Variants in CNTN4 observed in about 807,000 individuals in gnomAD.
CNTN4 encodes contactin-4.
In CNTN4, 77 loss-of-function variants were observed where a neutral mutation model predicts 122.5. The ratio of observed to expected loss-of-function variants is 0.63; its 90% CI spans 0.52 to 0.76. CNTN4 has a LOEUF of 0.76. Among genes scored for constraint, CNTN4 ranks in the 30% least tolerant of loss-of-function variants. The probability of loss-of-function intolerance (pLI) is 0.00; values close to 1 mark genes in which losing one functional copy is unlikely to be tolerated. For missense variants in CNTN4, 1,256 were observed against 1,259.1 expected (o/e 1.00, Z 0.04); for synonymous variants, 512 against 447.0 (o/e 1.15, Z -1.83).
At chr3:2,810,257 G>A (rs189611677) in intron 6 of CNTN4, among the ~76,000 whole-genome samples, 49 of 152,304 alleles carry the variant, frequency 3.2e-4, no homozygotes, top group African/African-American at 1.2e-3. Context: ...TAAATACATA[G>A]AAATTGAGAA....
intron 13 of CNTN4, among the ~76,000 whole-genome samples, chr3:2,947,913 A>C (rs1427843887): frequency 6.6e-6 from 1 of 152,212 alleles, no homozygotes; most frequent in Non-Finnish European, 1.5e-5. Flanking sequence ...TATTGCTCAT[A>C]TTAAAACCCT....
intron 6 of CNTN4, among the ~76,000 whole-genome samples, chr3:2,796,198 A>T (rs528150777): frequency 2.0e-5 from 3 of 152,198 alleles, no homozygotes; most frequent in Non-Finnish European, 2.9e-5. Context: ...AAGCTACACT[A>T]TAACTTATAC....
intron 3 of CNTN4, among the ~76,000 whole-genome samples, chr3:2,373,901 T>G (rs1477200772): frequency 6.6e-6 from 1 of 152,166 alleles, no homozygotes; most frequent in Non-Finnish European, 1.5e-5. Context: ...GGAATGGCAT[T>G]TCACTTACAG....
intron 13 of CNTN4, among the ~76,000 whole-genome samples, chr3:2,937,899 A>G (rs2094580274): frequency 6.6e-6 from 1 of 152,162 alleles, no homozygotes; most frequent in African/African-American, 2.4e-5. Context: ...GCAGCAAGTC[A>G]TGTACAAGAA....
chr3:2,389,798 G>C (rs2046379247), intron 3 of CNTN4, among the ~76,000 whole-genome samples: 1 of 152,156 alleles, frequency 6.6e-6, no homozygotes, highest in Non-Finnish European at 1.5e-5. Flanking sequence ...TCATTATTAT[G>C]AGCTTGTTGA....
Position 2,768,593 on chromosome 3 carries a change from C to T in CNTN4, c.358+22896C>T, listed in dbSNP as rs111689707. Among the ~76,000 whole-genome samples, 479 of 152,280 alleles carry T rather than the reference C, an allele frequency of 3.1e-3. 5 individuals are homozygous for T. The highest frequency in any genetic ancestry group is 0.011 in the African/African-American group (439 of 41,558). On this transcript the variant is annotated intron_variant, in intron 6 of 24. Coordinates refer to ENST00000418658, the MANE Select transcript of CNTN4 (RefSeq NM_175607.3). ...CAGCAGTCCTGATGACTTCCCCTATCTACTTTATAATGGCACTTAGGCTGA... is the reference window on the plus strand; with the variant it reads ...CAGCAGTCCTGATGACTTCCCCTATTTACTTTATAATGGCACTTAGGCTGA...
chr3:2,683,327 TAC>T (rs10601751), intron 4 of CNTN4, among the ~76,000 whole-genome samples: 12,943 of 148,764 alleles, frequency 0.087, 775 homozygotes, highest in African/African-American at 0.17. Context: ...TGCACACATG[TAC>T]ACACACACAC....
At chr3:2,390,250 G>GTGTGTT (rs2046395942) in intron 3 of CNTN4, among the ~76,000 whole-genome samples, 1 of 150,652 alleles carries the variant, frequency 6.6e-6, no homozygotes, top group Non-Finnish European at 1.5e-5. Flanking sequence ...GTGTGTGTGT[G>GTGTGTT]TACAGAGGGC....
intron 6 of CNTN4, among the ~76,000 whole-genome samples, chr3:2,781,756 G>T (rs1005564834): frequency 1.7e-5 from 2 of 117,868 alleles, no homozygotes; most frequent in Admixed American, 1.0e-4. Context: ...ACGGAGTGTC[G>T]CTCTGTCGCC....
Position 3,043,596 on chromosome 3 carries a change from A to T in CNTN4, c.2703A>T (p.Pro901=). 1 of 1,611,686 alleles carries T rather than the reference A, an allele frequency of 6.2e-7. No homozygotes were observed. The highest frequency in any genetic ancestry group is 8.5e-7 in the Non-Finnish European group (1 of 1,177,740). The part of the protein sequence containing the change: ...TVNVTTRKPP[P]SQPPGNIIWN... The stretch of plus-strand genomic sequence containing the variant: ...TATATCTTAATTTTTTTATAGCACC[A>T]AGTCAACCCCCCGGAAACATCATAT... The change falls in exon 23 of 25, where the codon CCA becomes CCT. Residue 901 remains proline (P), a synonymous_variant. Coordinates refer to ENST00000418658, the MANE Select transcript of CNTN4 (RefSeq NM_175607.3).
chr3:2,271,314 T>C (rs1256144598), intron 2 of CNTN4, among the ~76,000 whole-genome samples: 2 of 152,190 alleles, frequency 1.3e-5, no homozygotes, highest in East Asian at 3.9e-4. Flanking sequence ...AGCTGGGCTG[T>C]AATCTTGGAT....
In CNTN4 at chr3:3,043,658, A is replaced by C. The variant is rs1700363565; in HGVS notation, c.2765A>C (p.Asp922Ala). 3.1e-6 allele frequency: 5 copies of C among 1,614,142 alleles called. No homozygotes were observed. The highest frequency in any genetic ancestry group is 4.2e-6 in the Non-Finnish European group (5 of 1,179,966). ...GACTCCAAAATTATCCTGAATTGGGATCAAGTGAAGGCCCTGGATAATGAG... is the reference window on the plus strand; with the variant it reads ...GACTCCAAAATTATCCTGAATTGGGCTCAAGTGAAGGCCCTGGATAATGAG... The part of the protein sequence containing the change: ...SSDSKIILNW[D>A]QVKALDNESE... Residue 922 changes from aspartate (D) to alanine (A), a missense_variant, in exon 23 of 25, where the codon GAT becomes GCT. By Grantham distance (126) the Asp-to-Ala change is moderately radical. Transcript: ENST00000418658.
chr3:2,424,275 C>T (rs1178171057), intron 3 of CNTN4, among the ~76,000 whole-genome samples: 1 of 137,990 alleles, frequency 7.2e-6, no homozygotes, highest in Non-Finnish European at 1.5e-5. Flanking sequence ...TCCAACTGTT[C>T]TCACTGTTCA....
chr3:2,229,498 G>T (rs549903342), intron 2 of CNTN4, among the ~76,000 whole-genome samples: 1 of 152,206 alleles, frequency 6.6e-6, no homozygotes, highest in South Asian at 2.1e-4. Flanking sequence ...ATTATGCAGT[G>T]CTAAACATTA....
chr3:2,322,612 G>A (rs2150221183), intron 2 of CNTN4, among the ~76,000 whole-genome samples: 1 of 152,192 alleles, frequency 6.6e-6, no homozygotes, highest in South Asian at 2.1e-4. Flanking sequence ...AATGGCAATG[G>A]TGACACAATC....
intron 2 of CNTN4, among the ~76,000 whole-genome samples, chr3:2,167,693 G>T (rs2036262468): frequency 6.6e-6 from 1 of 152,124 alleles, no homozygotes; most frequent in South Asian, 2.1e-4. Flanking sequence ...CATTTTAATT[G>T]TAAAATAAAG....
intron 6 of CNTN4, among the ~76,000 whole-genome samples, chr3:2,779,245 TTTTG>T (rs5846221): frequency 0.071 from 6,527 of 91,384 alleles, 419 homozygotes; most frequent in African/African-American, 0.28. Flanking sequence ...GTGTTGTTTG[TTTTG>T]TTTGTTTGTT....
At chr3:2,961,069 A>C (rs1485505206) in intron 13 of CNTN4, among the ~76,000 whole-genome samples, 60 of 141,592 alleles carry the variant, frequency 4.2e-4, no homozygotes, top group African/African-American at 8.2e-4. Flanking sequence ...TCTCTACTAA[A>C]AATACAAAAA....
intron 2 of CNTN4, among the ~76,000 whole-genome samples, chr3:2,309,156 A>C (rs1453562892): frequency 6.6e-6 from 1 of 151,988 alleles, no homozygotes; most frequent in Non-Finnish European, 1.5e-5. Context: ...AGGTGCGTGT[A>C]AGTTTATAGG....
Sources: allele counts gnomAD v4.1 joint callset (sites outside exome capture counted in the v4.1 genomes callset), GRCh38; gene constraint gnomAD v4.1.1; transcripts MANE v1.5; gene names NCBI Gene and HGNC (gene_info 2026-07-23, HGNC 2026-07-21).